Variants in EYS observed in about 807,000 individuals in gnomAD.
The protein encoded by EYS is protein eyes shut homolog.
EYS carries 250 observed loss-of-function variants against 282.1 expected under a neutral mutation model. The ratio of observed to expected loss-of-function variants is 0.89; its 90% CI spans 0.80 to 0.98. The LOEUF is 0.98. EYS is among the 50% of genes least tolerant of loss of function. The pLI, the probability that EYS is intolerant of heterozygous loss-of-function variation, is 0.00. For synonymous variants in EYS, 1,355 were observed against 1,282.9 expected, an observed-to-expected ratio of 1.06 and a Z score of -1.20; for missense variants, 4,016 against 3,709.0, an observed-to-expected ratio of 1.08 and a Z score of -2.15.
In EYS at chr6:64,026,294, G is replaced by A. The variant is rs189059184; in HGVS notation, c.6726-27111C>T. On this transcript the variant is annotated intron_variant, in intron 33 of 42. Coordinates refer to ENST00000503581, the MANE Select transcript of EYS (RefSeq NM_001142800.2). ...CGATCAGCAGGGTCCAGGGTCCGTT[G>A]TGGGTTCTTGGGCAGGGGGAAGAAA... Among the ~76,000 whole-genome samples the A allele has an allele frequency of 1.5e-3, 224 of 152,262 alleles. 1 individual carries two copies. Among genetic ancestry groups the A allele is most frequent in the Admixed American group, 3.3e-3 (51 of 15,298 alleles).
chr6:65,565,077 C>A (rs1769222936), intron 2 of EYS, among the ~76,000 whole-genome samples: 1 of 52,766 alleles, frequency 1.9e-5, no homozygotes, highest in Non-Finnish European at 2.9e-5. Context: ...AACCCCGTCT[C>A]TACTAAAAAT....
At chr6:64,332,422 C>T (rs1379964492) in intron 29 of EYS, among the ~76,000 whole-genome samples, 1 of 152,186 alleles carries the variant, frequency 6.6e-6, no homozygotes, top group Non-Finnish European at 1.5e-5. Flanking sequence ...TCCCTTCCAA[C>T]CTGGAGACTC....
chr6:64,690,150 A>T (rs1035882681), intron 22 of EYS, among the ~76,000 whole-genome samples: 4 of 152,016 alleles, frequency 2.6e-5, no homozygotes, highest in Admixed American at 2.0e-4. Context: ...AAACAACCCC[A>T]TCAAAAAGTG....
intron 12 of EYS, among the ~76,000 whole-genome samples, chr6:65,275,448 A>G (rs922552034): frequency 2.0e-5 from 3 of 152,292 alleles, no homozygotes; most frequent in African/African-American, 7.2e-5. Context: ...AAGGCCCTGA[A>G]GGCACAAGTA....
intron 2 of EYS, among the ~76,000 whole-genome samples, chr6:65,557,032 T>C (rs188147887): frequency 1.3e-5 from 2 of 152,322 alleles, no homozygotes; most frequent in East Asian, 3.9e-4. Context: ...TATAAAGAGA[T>C]TTTAGTCATT....
intron 2 of EYS, among the ~76,000 whole-genome samples, chr6:65,497,888 A>C (rs1020081601): frequency 7.2e-5 from 11 of 152,032 alleles, no homozygotes; most frequent in African/African-American, 2.7e-4. Context: ...ACTCACTATA[A>C]TTTAATAGCA....
intron 26 of EYS, among the ~76,000 whole-genome samples, chr6:64,585,554 C>T (rs777249708): frequency 1.3e-5 from 2 of 152,132 alleles, no homozygotes; most frequent in Non-Finnish European, 2.9e-5. Flanking sequence ...TGGCCTGAAA[C>T]GTAGAGAACG....
rs1465439085 is a variant in EYS, at chr6:64,912,623, T to C, written c.2502A>G (p.Val834=). The change falls in exon 16 of 43, where the codon GTA becomes GTG. Residue 834 remains valine, a synonymous_variant. Coordinates refer to ENST00000503581, the MANE Select transcript of EYS (RefSeq NM_001142800.2). ...CAGTATAAAGGGGTGGGCACAGACA[T>C]ACAAATTGTCCAGGGATGGTAGATT... ...CHESTIPGQF[V]CLCPPLYTGQ... The C allele has an allele frequency of 6.4e-7, 1 of 1,551,094 alleles. No individual in the cohort carries two copies. The highest frequency in any genetic ancestry group is 1.4e-5 in the African/African-American group (1 of 73,120).
In EYS at chr6:64,338,252, TC is replaced by T. The variant is rs765190739; in HGVS notation, c.6079-31171del. Among the ~76,000 whole-genome samples, 71 of 152,058 alleles carry T rather than the reference TC, an allele frequency of 4.7e-4. No individual in the cohort carries two copies. The Middle Eastern group carries it at 0.017, about 36-fold the overall frequency. On this transcript the variant is annotated intron_variant, in intron 29 of 42. Transcript: ENST00000503581. The stretch of plus-strand genomic sequence containing the variant: ...AACCCTAAAGACTCCTCCAGAAAGC[TC>T]CTAGAACTGATGAAGAATTCAGCAA...
At chr6:64,844,977 T>C (rs1765675671) in intron 19 of EYS, among the ~76,000 whole-genome samples, 1 of 152,106 alleles carries the variant, frequency 6.6e-6, no homozygotes, top group Non-Finnish European at 1.5e-5. Flanking sequence ...GCATTGTAAA[T>C]TGTTCTTTAT....
chr6:65,321,418 G>C (rs10455576), intron 11 of EYS, among the ~76,000 whole-genome samples: 6,959 of 151,926 alleles, frequency 0.046, 218 homozygotes, highest in South Asian at 0.087. Context: ...TGAGGATGAA[G>C]ACAAGCCAGC....
chr6:65,171,095 A>T (rs563857242), intron 12 of EYS, among the ~76,000 whole-genome samples: 2 of 151,648 alleles, frequency 1.3e-5, no homozygotes, highest in East Asian at 3.9e-4. Context: ...GTAAGTTATA[A>T]GGCAGTGTAC....
chr6:64,591,486 C>A lies in EYS; in HGVS notation c.4381G>T (p.Val1461Phe), dbSNP rs561089665. The change falls in exon 26 of 43, where the codon GTC (valine) becomes TTC (phenylalanine). Residue 1461 changes from valine (V) to phenylalanine (F), a missense_variant. By Grantham distance (50) the Val-to-Phe change is conservative. Transcript: ENST00000503581. ...IAASISATPV[V>F]SRGAQEDIEE... The stretch of plus-strand genomic sequence containing the variant: ...ATATCCTCTTGAGCCCCCCTAGAGA[C>A]AACTGGAGTTGCACTTATGGAGGCA... 6.4e-7 allele frequency: 1 copy of A among 1,551,286 alleles called. No homozygotes were observed. The highest frequency in any genetic ancestry group is 8.7e-7 in the Non-Finnish European group (1 of 1,146,766).
chr6:65,469,514 T>C (rs1411420877), intron 5 of EYS, among the ~76,000 whole-genome samples: 13 of 152,062 alleles, frequency 8.5e-5, no homozygotes, highest in Admixed American at 8.5e-4. Context: ...AAAAATAGGA[T>C]CAAAACTCAA....
intron 33 of EYS, among the ~76,000 whole-genome samples, chr6:64,020,616 A>T (rs1769143363): frequency 6.6e-6 from 1 of 152,154 alleles, no homozygotes; most frequent in African/African-American, 2.4e-5. Flanking sequence ...GTGATATTTT[A>T]GACTCTAAAA....
At chr6:64,249,559 G>A (rs1767137733) in intron 30 of EYS, among the ~76,000 whole-genome samples, 1 of 152,184 alleles carries the variant, frequency 6.6e-6, no homozygotes, top group Admixed American at 6.5e-5. Context: ...TAATTAAAAT[G>A]AGTTTAAGGA....
At chr6:63,980,547 C>T (rs1767039375) in intron 35 of EYS, among the ~76,000 whole-genome samples, 1 of 151,830 alleles carries the variant, frequency 6.6e-6, no homozygotes, top group Admixed American at 6.6e-5. Context: ...CAGTCTATTA[C>T]TTTGAAAATA....
intron 33 of EYS, among the ~76,000 whole-genome samples, chr6:64,046,673 C>T (rs1054993804): frequency 2.0e-5 from 3 of 152,020 alleles, no homozygotes; most frequent in African/African-American, 7.2e-5. Context: ...AACAAGAGGA[C>T]AACTGAATTG....
intron 16 of EYS, among the ~76,000 whole-genome samples, chr6:64,911,372 T>C (rs1460766412): frequency 6.6e-6 from 1 of 152,132 alleles, no homozygotes; most frequent in East Asian, 1.9e-4. Flanking sequence ...TAGCTTTTAG[T>C]TTTAATCCTT....
Sources: gnomAD v4.1 joint callset for allele counts (sites outside exome capture counted in the v4.1 genomes callset) on GRCh38, gnomAD v4.1.1 for gene constraint, MANE v1.5 for transcripts, NCBI Gene and HGNC (gene_info 2026-07-23, HGNC 2026-07-21) for gene names.